The following LRBA variants were observed in gnomAD, a reference collection of about 807,000 sequenced individuals.
LRBA encodes LPS responsive beige-like anchor protein.
In LRBA, 176 loss-of-function variants were observed where a neutral mutation model predicts 330.0. That is an observed-to-expected ratio of 0.53 (90% CI 0.47 to 0.60). The LOEUF (loss-of-function observed/expected upper bound fraction) is 0.60, where lower values mean the gene tolerates loss of function less well. Ranked by LOEUF, LRBA falls within the 20% of genes least tolerant of loss-of-function variation. The pLI is 0.00. For synonymous variants in LRBA, 1,230 were observed against 1,193.0 expected, an observed-to-expected ratio of 1.03 and a Z score of -0.64; for missense variants, 3,259 against 3,444.8, an observed-to-expected ratio of 0.95 and a Z score of 1.35.
At chr4:150,641,429 A>G (rs1778670415) in intron 37 of LRBA, among the ~76,000 whole-genome samples, 1 of 152,292 alleles carries the variant, frequency 6.6e-6, no homozygotes, top group Non-Finnish European at 1.5e-5. Flanking sequence ...AATTTACTCC[A>G]CAAAAACACA....
At chr4:150,754,544 A>G (rs1734025172) in intron 35 of LRBA, among the ~76,000 whole-genome samples, 2 of 118,586 alleles carry the variant, frequency 1.7e-5, no homozygotes, top group South Asian at 5.2e-4. Context: ...AAAAAAAAAG[A>G]GAGAGAGAGA....
At chr4:150,642,532 A>T (rs1243506480) in intron 37 of LRBA, among the ~76,000 whole-genome samples, 1 of 151,942 alleles carries the variant, frequency 6.6e-6, no homozygotes, top group African/African-American at 2.4e-5. Context: ...TAGGAAAGAA[A>T]TGTTACTTTT....
In LRBA at chr4:150,321,867, T is replaced by C. The variant is rs995930321; in HGVS notation, c.7453-499A>G. Reference sequence around the variant, plus strand: ...GAGTTAGCAGGAAGATTTTGACAACTACAAAGAGGTAATGAAAACAAATAC... The same window carrying C: ...GAGTTAGCAGGAAGATTTTGACAACCACAAAGAGGTAATGAAAACAAATAC... On this transcript the variant is annotated intron_variant, in intron 49 of 56. Transcript: ENST00000651943. This position sits in a 1 kb window ranked among gnomAD's most constrained non-coding sequence, Gnocchi z 4.5. 6.6e-6 allele frequency among the ~76,000 whole-genome samples: 1 copy of C among 152,134 alleles called. No homozygotes were observed. The highest frequency in any genetic ancestry group is 2.4e-5 in the African/African-American group (1 of 41,434).
chr4:150,466,298 A>G (rs1755447485), intron 44 of LRBA, among the ~76,000 whole-genome samples: 1 of 152,124 alleles, frequency 6.6e-6, no homozygotes, highest in African/African-American at 2.4e-5. Context: ...ACACACTCTT[A>G]GAGTCCCTGA....
chr4:150,494,877 G>T (rs1561260138), intron 40 of LRBA, among the ~76,000 whole-genome samples: 1 of 152,106 alleles, frequency 6.6e-6, no homozygotes, highest in African/African-American at 2.4e-5. Flanking sequence ...GCGGGCGCCT[G>T]TAGTCCCAGC....
intron 44 of LRBA, among the ~76,000 whole-genome samples, chr4:150,464,695 G>A (rs184694812): frequency 1.3e-5 from 2 of 152,002 alleles, no homozygotes; most frequent in Non-Finnish European, 2.9e-5. Flanking sequence ...GTCAGCTGAG[G>A]ACTAGCTTGT....
At chr4:150,505,894 T>C (rs1237209735) in intron 40 of LRBA, among the ~76,000 whole-genome samples, 1 of 151,894 alleles carries the variant, frequency 6.6e-6, no homozygotes, top group Non-Finnish European at 1.5e-5. Context: ...AGAAAGGGGA[T>C]ATCACCACCG....
intron 37 of LRBA, among the ~76,000 whole-genome samples, chr4:150,653,080 C>G (rs1779850785): frequency 6.6e-6 from 1 of 152,130 alleles, no homozygotes. Context: ...TGGTGGCTCA[C>G]AGCTGTAATT....
chr4:150,409,808 A>G (rs1341783303), intron 47 of LRBA, among the ~76,000 whole-genome samples: 1 of 152,148 alleles, frequency 6.6e-6, no homozygotes, highest in Non-Finnish European at 1.5e-5. Context: ...ATTTCACAGT[A>G]AATTACATAT....
At chr4:150,399,670 T>C (rs928766066) in intron 47 of LRBA, among the ~76,000 whole-genome samples, 2 of 151,540 alleles carry the variant, frequency 1.3e-5, no homozygotes, top group African/African-American at 4.9e-5. Flanking sequence ...TGTTGAAGAG[T>C]GGATAGAGGT....
At chr4:150,718,622 A>G (rs1193655702) in intron 36 of LRBA, among the ~76,000 whole-genome samples, 2 of 152,180 alleles carry the variant, frequency 1.3e-5, no homozygotes, top group African/African-American at 4.8e-5. Flanking sequence ...CTGATGTAGA[A>G]GAGATGAACA....
rs1016316975 is a variant in LRBA at position 150,458,060 on chromosome 4, T to C, written c.6780+9613A>G. On this transcript the variant is annotated intron_variant, in intron 44 of 56. Transcript: ENST00000651943. The stretch of plus-strand genomic sequence containing the variant: ...CTTCAGTTTATCATTTTCTGACTAA[T>C]GTTAAAAAACAATGTCTTTGGAGGC... Among the ~76,000 whole-genome samples the C allele has an allele frequency of 2.0e-5, 3 of 152,040 alleles. No homozygotes were observed. In the East Asian group the frequency reaches 5.8e-4, roughly 29 times the overall value.
intron 36 of LRBA, among the ~76,000 whole-genome samples, chr4:150,723,448 C>A (rs532698974): frequency 3.3e-5 from 5 of 152,162 alleles, no homozygotes; most frequent in African/African-American, 1.2e-4. Flanking sequence ...CATTTCTAGA[C>A]ACAACCTGGA....
chr4:150,974,269 T>A (rs969867316), intron 2 of LRBA, among the ~76,000 whole-genome samples: 1 of 152,082 alleles, frequency 6.6e-6, no homozygotes, highest in Non-Finnish European at 1.5e-5. Flanking sequence ...GAGAATGAGA[T>A]GGCTGGAATT....
intron 36 of LRBA, among the ~76,000 whole-genome samples, chr4:150,728,899 T>G (rs971817583): frequency 7.9e-5 from 12 of 151,932 alleles, no homozygotes; most frequent in African/African-American, 2.7e-4. Context: ...TGGAAAGGAG[T>G]AAGTCAAATT....
chr4:150,790,898 C>T (rs923457144), intron 34 of LRBA, among the ~76,000 whole-genome samples: 1 of 152,112 alleles, frequency 6.6e-6, no homozygotes, highest in African/African-American at 2.4e-5. Flanking sequence ...AGAAGCCTAC[C>T]CTATTGATTC....
At chr4:150,825,093 C>T (rs1329056832) in intron 30 of LRBA, among the ~76,000 whole-genome samples, 2 of 151,850 alleles carry the variant, frequency 1.3e-5, no homozygotes, top group African/African-American at 4.8e-5. Flanking sequence ...AATGAAAAAT[C>T]TCAGAAGACA....
chr4:150,489,269 TATA>T (rs1233672441), intron 41 of LRBA, among the ~76,000 whole-genome samples: 3 of 108,236 alleles, frequency 2.8e-5, no homozygotes, highest in African/African-American at 3.8e-5. Context: ...TATAAGAATA[TATA>T]ATATATTATA....
chr4:150,762,903 T>C (rs939099153), intron 34 of LRBA, among the ~76,000 whole-genome samples: 3 of 151,962 alleles, frequency 2.0e-5, no homozygotes, highest in East Asian at 3.9e-4. Flanking sequence ...TTCACCCTAA[T>C]AGCTATTCCG....
Sources: gnomAD v4.1 joint callset for allele counts (sites outside exome capture counted in the v4.1 genomes callset) on GRCh38, gnomAD v4.1.1 for gene constraint, Gnocchi (gnomAD v3.1) non-coding constraint, MANE v1.5 for transcripts, NCBI Gene and HGNC (gene_info 2026-07-23, HGNC 2026-07-21) for gene names.